The following STMN2 variants were observed in gnomAD, a reference collection of about 807,000 sequenced individuals.
The protein encoded by STMN2 is stathmin 2.
A neutral mutation model predicts 24.1 loss-of-function variants in STMN2; 2 were observed. The ratio of observed to expected loss-of-function variants is 0.08; its 90% CI spans 0.03 to 0.26. STMN2 has a LOEUF of 0.26. Among genes scored for constraint, STMN2 ranks in the 10% least tolerant of loss-of-function variants. The pLI, the probability that STMN2 is intolerant of heterozygous loss-of-function variation, is 1.00. For synonymous variants in STMN2, 83 were observed against 77.5 expected (o/e 1.07, Z -0.37); for missense variants, 114 against 213.6 (o/e 0.53, Z 2.91).
intron 1 of STMN2, among the ~76,000 whole-genome samples, chr8:79,625,622 G>C (rs187437883): frequency 2.6e-5 from 4 of 152,286 alleles, no homozygotes; most frequent in Non-Finnish European, 4.4e-5. Context: ...CACAACACTT[G>C]GCTATAGCAA....
chr8:79,629,576 T>C (rs1023228376), intron 1 of STMN2, among the ~76,000 whole-genome samples: 2 of 152,228 alleles, frequency 1.3e-5, no homozygotes, highest in African/African-American at 4.8e-5. Context: ...CTGCGCATTT[T>C]ACAAAATTTC....
intron 3 of STMN2, among the ~76,000 whole-genome samples, chr8:79,643,385 T>C (rs1810153808): frequency 6.6e-6 from 1 of 151,994 alleles, no homozygotes; most frequent in Non-Finnish European, 1.5e-5. Flanking sequence ...CCTAAAACAG[T>C]GGAGAGCATG....
intron 1 of STMN2, among the ~76,000 whole-genome samples, chr8:79,632,166 T>C (rs559421019): frequency 6.6e-6 from 1 of 152,302 alleles, no homozygotes; most frequent in East Asian, 1.9e-4. Context: ...CACCACTGCC[T>C]GGAAATGACA....
chr8:79,665,108 T>C lies in STMN2; in HGVS notation c.*234T>C, dbSNP rs1186565288. ...TCTTATTTTGTAAATACTTACATTT[T>C]TGTTAAAAAATACAAGTATTGCATT... On this transcript the variant is annotated 3_prime_UTR_variant, in exon 5 of 5. Transcript: ENST00000220876. 1 of 325,628 alleles carries C rather than the reference T, an allele frequency of 3.1e-6. No homozygotes were observed. Among genetic ancestry groups the C allele is most frequent in the African/African-American group, 2.2e-5 (1 of 46,154 alleles). The allele number at this position is 325,628 out of a possible 1,614,324, so 20.2% of individuals were successfully genotyped here.
At chr8:79,629,505 A>T (rs1809747802) in intron 1 of STMN2, among the ~76,000 whole-genome samples, 1 of 152,126 alleles carries the variant, frequency 6.6e-6, no homozygotes, top group African/African-American at 2.4e-5. Context: ...CTAAAATAAA[A>T]CTCTAATGAG....
chr8:79,656,884 G>GTTTTTTTTTTTTTTTTT (rs71266026), intron 4 of STMN2, among the ~76,000 whole-genome samples: 43 of 150,184 alleles, frequency 2.9e-4, no homozygotes, highest in Non-Finnish European at 4.6e-4. Context: ...TTGTTTGTTT[G>GTTTTTTTTTTTTTTTTT]TTTTTTTGAG....
chr8:79,661,355 G>A (rs750192860), intron 4 of STMN2, among the ~76,000 whole-genome samples: 25 of 152,006 alleles, frequency 1.6e-4, no homozygotes, highest in Non-Finnish European at 3.1e-4. Context: ...GTATTTCATT[G>A]TGGTTTTAAT....
intron 3 of STMN2, among the ~76,000 whole-genome samples, chr8:79,652,718 C>T (rs76465273): frequency 6.6e-6 from 1 of 152,010 alleles, no homozygotes; most frequent in African/African-American, 2.4e-5. Flanking sequence ...ACCTTGCAAA[C>T]ATTATTTTGT....
chr8:79,631,239 C>T (rs1388482777), intron 1 of STMN2, among the ~76,000 whole-genome samples: 8 of 152,200 alleles, frequency 5.3e-5, no homozygotes, highest in Admixed American at 4.6e-4. Context: ...GCTAAGAATA[C>T]ATCAAATTGA....
chr8:79,661,322 GC>G (rs1307987414), intron 4 of STMN2, among the ~76,000 whole-genome samples: 1 of 151,962 alleles, frequency 6.6e-6, no homozygotes, highest in Non-Finnish European at 1.5e-5. Context: ...TTTAATTACG[GC>G]CATTCTTGCA....
chr8:79,633,956 GT>G (rs1328984528), intron 1 of STMN2, among the ~76,000 whole-genome samples: 1 of 152,156 alleles, frequency 6.6e-6, no homozygotes, highest in Non-Finnish European at 1.5e-5. Flanking sequence ...ATATTGAGGA[GT>G]TTTTTCTTCA....
chr8:79,661,957 G>C (rs969868405), intron 4 of STMN2, among the ~76,000 whole-genome samples: 1 of 152,002 alleles, frequency 6.6e-6, no homozygotes, highest in Non-Finnish European at 1.5e-5. Context: ...AATTTAATTA[G>C]GCTCATATGA....
intron 1 of STMN2, among the ~76,000 whole-genome samples, chr8:79,626,273 G>T (rs1809652804): frequency 6.6e-6 from 1 of 152,158 alleles, no homozygotes; most frequent in African/African-American, 2.4e-5. Flanking sequence ...ACATATAAAT[G>T]AATACAAAGG....
At chr8:79,643,625 A>G (rs890297031) in intron 3 of STMN2, among the ~76,000 whole-genome samples, 5 of 152,180 alleles carry the variant, frequency 3.3e-5, no homozygotes, top group Admixed American at 1.3e-4. Flanking sequence ...TTGAGGATAA[A>G]AAAAGAACTG....
intron 3 of STMN2, among the ~76,000 whole-genome samples, chr8:79,650,296 A>G (rs181647174): frequency 2.0e-5 from 3 of 152,318 alleles, no homozygotes; most frequent in East Asian, 1.9e-4. Flanking sequence ...CCTCCGTTTC[A>G]TAAGTCCACG....
intron 1 of STMN2, among the ~76,000 whole-genome samples, chr8:79,612,179 C>T (rs1809251717): frequency 6.6e-6 from 1 of 152,020 alleles, no homozygotes; most frequent in Admixed American, 6.5e-5. Flanking sequence ...GCCCCGCGCT[C>T]CCCGCTCCCG....
chr8:79,612,002 G>A (rs1361628734), intron 1 of STMN2, among the ~76,000 whole-genome samples: 2 of 152,174 alleles, frequency 1.3e-5, no homozygotes, highest in Admixed American at 6.5e-5. Flanking sequence ...GCGGTCCCGG[G>A]GGGAGGCACC....
intron 1 of STMN2, among the ~76,000 whole-genome samples, chr8:79,628,560 T>C (rs1809719037): frequency 6.6e-6 from 1 of 152,218 alleles, no homozygotes; most frequent in Admixed American, 6.5e-5. Context: ...CTCCACATTC[T>C]GGCTAACCAG....
At chr8:79,641,995 C>A (rs1427093156) in intron 3 of STMN2, among the ~76,000 whole-genome samples, 1 of 152,134 alleles carries the variant, frequency 6.6e-6, no homozygotes, top group African/African-American at 2.4e-5. Flanking sequence ...CCCCCTTTGT[C>A]AGGCGTGGTT....
Sources: gnomAD v4.1 joint callset for allele counts (sites outside exome capture counted in the v4.1 genomes callset) on GRCh38, gnomAD v4.1.1 for gene constraint, MANE v1.5 for transcripts, NCBI Gene and HGNC (gene_info 2026-07-23, HGNC 2026-07-21) for gene names.